The following MASP1 variants were observed in gnomAD, a reference collection of about 807,000 sequenced individuals.
MASP1 encodes mannan-binding lectin serine protease 1.
A neutral mutation model predicts 77.1 loss-of-function variants in MASP1; 59 were observed. That is an observed-to-expected ratio of 0.77 (90% CI 0.62 to 0.95). The LOEUF (loss-of-function observed/expected upper bound fraction) is 0.95. Ranked by LOEUF, MASP1 falls within the 40% of genes least tolerant of loss-of-function variation. The probability of loss-of-function intolerance (pLI) is 0.00; values close to 1 mark genes in which losing one functional copy is unlikely to be tolerated. For missense variants in MASP1, 885 were observed against 912.9 expected, an observed-to-expected ratio of 0.97 and a Z score of 0.39; for synonymous variants, 362 against 354.5, an observed-to-expected ratio of 1.02 and a Z score of -0.24.
rs1253315616 is a variant in MASP1, at chr3:187,262,589, G to A, written c.369C>T (p.Ser123=). The change falls in exon 3 of 11, where the codon TCC becomes TCT. Residue 123 remains serine, a synonymous_variant. Coordinates refer to ENST00000296280, the MANE Select transcript of MASP1 (RefSeq NM_139125.4). Reference sequence around the variant, plus strand: ...CAAAGCCTGTGAAACGCTCCTCATTGGAGAAATCTGACCGGAAAGTGATGG... The same window carrying A: ...CAAAGCCTGTGAAACGCTCCTCATTAGAGAAATCTGACCGGAAAGTGATGG... The part of the protein sequence containing the change: ...FMSITFRSDF[S]NEERFTGFDA... 3.5e-5 allele frequency: 56 copies of A among 1,613,990 alleles called. No individual in the cohort carries two copies. Among genetic ancestry groups the A allele is most frequent in the Non-Finnish European group, 4.6e-5 (54 of 1,180,012 alleles).
chr3:187,238,200 C>T (rs747091453), intron 10 of MASP1, among the ~76,000 whole-genome samples: 3 of 152,184 alleles, frequency 2.0e-5, no homozygotes, highest in Non-Finnish European at 4.4e-5. Flanking sequence ...CTACCTTTCT[C>T]CAACCAAGGT....
intron 12 of MASP1, among the ~76,000 whole-genome samples, chr3:187,226,070 G>A (rs1712408321): frequency 6.6e-6 from 1 of 152,184 alleles, no homozygotes; most frequent in Non-Finnish European, 1.5e-5. Context: ...CTGGTCATCT[G>A]ATTTTATAAA....
At chr3:187,275,542 T>C (rs1396495803) in intron 2 of MASP1, among the ~76,000 whole-genome samples, 1 of 152,148 alleles carries the variant, frequency 6.6e-6, no homozygotes, top group Non-Finnish European at 1.5e-5. Flanking sequence ...AAGAGCCAAC[T>C]GTCAGCTTTT....
intron 2 of MASP1, among the ~76,000 whole-genome samples, chr3:187,283,844 A>G (rs139856133): frequency 2.0e-3 from 301 of 152,284 alleles, no homozygotes; most frequent in African/African-American, 6.7e-3. Context: ...TGTGACCAAC[A>G]TTATTTGGGG....
At chr3:187,225,556 G>A (rs1434758936) in intron 12 of MASP1, 5 of 1,596,980 alleles carry the variant, frequency 3.1e-6, no homozygotes, top group Non-Finnish European at 1.7e-6. Context: ...TGGAGGATAA[G>A]GTCACACCTT....
intron 2 of MASP1, among the ~76,000 whole-genome samples, chr3:187,279,294 T>C (rs1289767564): frequency 3.9e-5 from 6 of 152,186 alleles, no homozygotes; most frequent in Non-Finnish European, 8.8e-5. Context: ...GGGGGAGCTA[T>C]AGAGAATGGT....
At chr3:187,247,451 A>G (rs1456974693) in intron 8 of MASP1, 1 of 1,565,576 alleles carries the variant, frequency 6.4e-7, no homozygotes, top group African/African-American at 1.4e-5. Context: ...AGAGAGGAAG[A>G]GAAAGAGAGA....
chr3:187,262,519 G>T (rs1207114052), intron 3 of MASP1, 24 bp downstream of exon 3: 1 of 1,612,624 alleles, frequency 6.2e-7, no homozygotes, highest in Non-Finnish European at 8.5e-7. Flanking sequence ...AGAGACCTGA[G>T]GATGAGTCAC....
chr3:187,248,766 A>G (rs1714315897), intron 8 of MASP1, among the ~76,000 whole-genome samples: 1 of 152,202 alleles, frequency 6.6e-6, no homozygotes, highest in African/African-American at 2.4e-5. Flanking sequence ...ACATTTTGTT[A>G]AAGTCATAAA....
chr3:187,264,754 A>G (rs1161234858), intron 2 of MASP1, among the ~76,000 whole-genome samples: 1 of 152,070 alleles, frequency 6.6e-6, no homozygotes, highest in Non-Finnish European at 1.5e-5. Context: ...CTTATTTTTA[A>G]TATGTTGTGA....
intron 3 of MASP1, 122 bp from the exon 4 acceptor site, chr3:187,260,994 T>A: frequency 8.8e-7 from 1 of 1,136,400 alleles, no homozygotes; most frequent in Non-Finnish European, 1.3e-6. Flanking sequence ...TTCTCTCATT[T>A]AATCCTCTCA....
At chr3:187,223,091 G>C (rs780885856) in intron 14 of MASP1, 1 of 1,557,980 alleles carries the variant, frequency 6.4e-7, no homozygotes, top group Non-Finnish European at 8.9e-7. Context: ...GCAGAGCTGA[G>C]GTGTCACTGT....
rs1713472839 is a variant in MASP1 at position 187,239,701 on chromosome 3, CT to C, written c.1303+1779del. 3.9e-5 allele frequency among the ~76,000 whole-genome samples: 6 copies of C among 152,328 alleles called. No individual in the cohort carries two copies. In the South Asian group the frequency reaches 1.0e-3, roughly 26 times the overall value. On this transcript the variant is annotated intron_variant, in intron 10 of 10. Transcript: ENST00000296280. Reference sequence around the variant, plus strand: ...TCACTGCCTGGAGTCCTTGGTTGTACTTCTGGGCAAGCCTAATTGAGGTAAA... The same window carrying C: ...TCACTGCCTGGAGTCCTTGGTTGTACTCTGGGCAAGCCTAATTGAGGTAAA...
At position 187,268,518 on chromosome 3, in the gene MASP1, G is replaced by GAAGA. The variant is rs1279532424; in HGVS notation, c.238-5802_238-5799dup. Among the ~76,000 whole-genome samples the GAAGA allele has an allele frequency of 3.9e-5, 5 of 127,984 alleles. No homozygotes were observed. In the East Asian group the frequency reaches 1.0e-3, roughly 26 times the overall value. 84.0% of individuals were successfully genotyped at this position (127,984 alleles called of 152,430 possible). Reference sequence around the variant, plus strand: ...ATGAAAAAGAAAGAAAGAAAGAGAGGAAGAAAGAAAGAAAAGAAAAGAAAA... The same window carrying GAAGA: ...ATGAAAAAGAAAGAAAGAAAGAGAGGAAGAAAGAAAGAAAGAAAAGAAAAGAAAA... On this transcript the variant is annotated intron_variant, in intron 2 of 10. Transcript: ENST00000296280.
chr3:187,251,747 C>G lies in MASP1; in HGVS notation c.898G>C (p.Glu300Gln), dbSNP rs1258871641. ...WRLSYRAAGN[E>Q]CPELQPPVHG... The stretch of plus-strand genomic sequence containing the variant: ...ACAGGAGGCTGTAGCTCTGGGCACT[C>G]ATTTCCTGGTGAGGAGCAAATGAAA... Residue 300 changes from glutamate to glutamine, a missense_variant, in exon 7 of 11, where the codon GAG (glutamate) becomes CAG (glutamine). Transcript: ENST00000296280. 1 of 1,613,092 alleles carries G rather than the reference C, an allele frequency of 6.2e-7. No individual in the cohort carries two copies. Among genetic ancestry groups the G allele is most frequent in the Admixed American group, 1.7e-5 (1 of 60,026 alleles).
Position 187,219,923 on chromosome 3 carries a change from T to C in MASP1, c.*148A>G, listed in dbSNP as rs180977187. On this transcript the variant is annotated 3_prime_UTR_variant, in exon 16 of 16. Transcript: ENST00000337774. ...CTCTTTAAAGAGAGTGAAAAGGGGGTGAAGATACCTGCTCTATTGCCCAGT... is the reference window on the plus strand; with the variant it reads ...CTCTTTAAAGAGAGTGAAAAGGGGGCGAAGATACCTGCTCTATTGCCCAGT... 1.9e-5 allele frequency: 15 copies of C among 770,660 alleles called. No homozygotes were observed. In the African/African-American group the frequency reaches 2.4e-4, roughly 12 times the overall value. 47.7% of individuals were successfully genotyped at this position (770,660 alleles called of 1,614,324 possible).
chr3:187,280,474 G>A (rs1717321562), intron 2 of MASP1, among the ~76,000 whole-genome samples: 3 of 152,132 alleles, frequency 2.0e-5, no homozygotes, highest in African/African-American at 7.2e-5. Flanking sequence ...TCTCTTGTTG[G>A]TTCTGGTTTC....
chr3:187,246,058 C>A lies in MASP1; in HGVS notation c.1091-2437G>T, dbSNP rs918751331. ...CGAACACCAGCTCCTTCAGTGTGCT[C>A]CCCTGCTGCCTCCTGCTCCCAGGCC... is the stretch of plus-strand genomic sequence containing the variant. On this transcript the variant is annotated intron_variant, in intron 8 of 10. Transcript: ENST00000296280. Among the ~76,000 whole-genome samples the A allele has an allele frequency of 5.9e-5, 9 of 152,298 alleles. No homozygotes were observed. In the East Asian group the frequency reaches 1.7e-3, roughly 29 times the overall value.
chr3:187,280,565 C>A (rs1264110276), intron 2 of MASP1, among the ~76,000 whole-genome samples: 1 of 152,106 alleles, frequency 6.6e-6, no homozygotes, highest in Non-Finnish European at 1.5e-5. Context: ...TGGTGCTCAA[C>A]CAAAGGAACT....
Sources: allele counts gnomAD v4.1 joint callset (sites outside exome capture counted in the v4.1 genomes callset), GRCh38; gene constraint gnomAD v4.1.1; transcripts MANE v1.5; gene names NCBI Gene and HGNC (gene_info 2026-07-23, HGNC 2026-07-21).